NDUFAF7: variants seen among roughly 807,000 people sequenced by gnomAD.
The protein encoded by NDUFAF7 is NADH:ubiquinone oxidoreductase complex assembly factor 7, also known as protein arginine methyltransferase NDUFAF7, mitochondrial.
A neutral mutation model predicts 47.2 loss-of-function variants in NDUFAF7; 48 were observed. The ratio of observed to expected loss-of-function variants is 1.02; its 90% CI spans 0.81 to 1.29. NDUFAF7 has a LOEUF of 1.29. Ranked by LOEUF, NDUFAF7 falls within the 50% of genes most tolerant of loss-of-function variation. The probability of loss-of-function intolerance (pLI) is 0.00; values close to 1 mark genes in which losing one functional copy is unlikely to be tolerated. For missense variants in NDUFAF7, 635 were observed against 537.6 expected (o/e 1.18, Z -1.79); for synonymous variants, 217 against 190.0 (o/e 1.14, Z -1.17).
chr2:37,256,834 A>T (rs749782681), downstream of NDUFAF7: 1 of 1,613,948 alleles, frequency 6.2e-7, no homozygotes, highest in South Asian at 1.1e-5. Flanking sequence ...TGCTCCGGAG[A>T]ACTTCAGGGG....
chr2:37,233,457 G>A lies in NDUFAF7; in HGVS notation c.216+1191G>A, dbSNP rs142424971. Reference sequence around the variant, plus strand: ...AGCCTGACCAACTTGGTGAAACCCCGTCTCTATTAAAAATACAAAAATTAG... The same window carrying A: ...AGCCTGACCAACTTGGTGAAACCCCATCTCTATTAAAAATACAAAAATTAG... On this transcript the variant is annotated intron_variant, in intron 2 of 9. Transcript: ENST00000002125. 2.4e-4 allele frequency among the ~76,000 whole-genome samples: 36 copies of A among 152,124 alleles called. 1 individual carries two copies. Among genetic ancestry groups the A allele is most frequent in the African/African-American group, 8.0e-4 (33 of 41,492 alleles).
chr2:37,249,548 G>A (rs1667280288), downstream of NDUFAF7, among the ~76,000 whole-genome samples: 1 of 134,050 alleles, frequency 7.5e-6, no homozygotes, highest in Non-Finnish European at 1.6e-5. Context: ...TTGCACTCTA[G>A]CCTGTGATAG....
chr2:37,249,703 A>G (rs79133230), downstream of NDUFAF7, among the ~76,000 whole-genome samples: 873 of 145,648 alleles, frequency 6.0e-3, 11 homozygotes, highest in African/African-American at 0.021. Context: ...ATTTTCAGAT[A>G]AATGTCAAAT....
At chr2:37,265,669 A>G in the NDUFAF7 span, among the ~76,000 whole-genome samples, 3 of 152,328 alleles carry the variant, frequency 2.0e-5, no homozygotes, top group South Asian at 6.2e-4. Flanking sequence ...GCCAAATATA[A>G]AAGTATAAAT....
rs1558483032 is a variant in NDUFAF7, at chr2:37,231,668, CAG to C, written c.-37_-36del. On this transcript the variant is annotated 5_prime_UTR_variant, in exon 1 of 10. Transcript: ENST00000002125. ...CTTCTCCCGGAAATGGTCTAAGCCC[CAG>C]CTCCTGGCGGAGCGAGCTAGCCTGC... The C allele has an allele frequency of 6.2e-7, 1 of 1,614,178 alleles. No homozygotes were observed.
chr2:37,252,800 GCTTGA>G (rs1667598504), downstream of NDUFAF7: 1 of 149,254 alleles, frequency 6.7e-6, no homozygotes, highest in Non-Finnish European at 1.5e-5. Flanking sequence ...CTGGATGCTA[GCTTGA>G]CTTGTTTTTC....
intron 6 of NDUFAF7, among the ~76,000 whole-genome samples, 179 bp downstream of exon 6, chr2:37,242,872 T>C (rs1248049314): frequency 6.6e-6 from 1 of 152,216 alleles, no homozygotes; most frequent in Non-Finnish European, 1.5e-5. Flanking sequence ...ATGAGAATTG[T>C]TAGTTCTCCT....
At chr2:37,253,741 G>T (rs910156236), downstream of NDUFAF7, among the ~76,000 whole-genome samples, 3 of 152,116 alleles carry the variant, frequency 2.0e-5, no homozygotes, top group Non-Finnish European at 2.9e-5. Flanking sequence ...GATTACATTT[G>T]TTTTAAAGCT....
At chr2:37,241,075 C>T (rs1404308884) in intron 4 of NDUFAF7, among the ~76,000 whole-genome samples, 1 of 151,990 alleles carries the variant, frequency 6.6e-6, no homozygotes, top group African/African-American at 2.4e-5. Context: ...TTTTCCCTTG[C>T]ATGTTTACAA....
chr2:37,239,934 A>G (rs1381826137), intron 4 of NDUFAF7, among the ~76,000 whole-genome samples: 1 of 152,196 alleles, frequency 6.6e-6, no homozygotes, highest in African/African-American at 2.4e-5. Flanking sequence ...AGATAAGGTC[A>G]TGTCCCATTT....
chr2:37,249,582 C>G (rs1558510554), downstream of NDUFAF7, among the ~76,000 whole-genome samples: 5 of 140,244 alleles, frequency 3.6e-5, no homozygotes, highest in African/African-American at 2.6e-5. Context: ...CACACACACA[C>G]ACACACACAC....
At position 37,232,182 on chromosome 2, in the gene NDUFAF7, G is replaced by A; in HGVS notation, c.132G>A (p.Leu44=). 2.5e-6 allele frequency: 4 copies of A among 1,614,148 alleles called. No individual in the cohort carries two copies. Among genetic ancestry groups the A allele is most frequent in the Non-Finnish European group, 3.4e-6 (4 of 1,180,026 alleles). The change falls in exon 2 of 10, where the codon CTG becomes CTA. Residue 44 remains leucine (L), a synonymous_variant. Coordinates refer to ENST00000002125, the MANE Select transcript of NDUFAF7 (RefSeq NM_144736.5). ...CAGAAAACCCGGTGACGCCGATGCT[G>A]CGGCATCTTATGTACAAAATAAAGT... The part of the protein sequence containing the change: ...EPAENPVTPM[L]RHLMYKIKST...
At chr2:37,251,685 T>G (rs1227702014), downstream of NDUFAF7, 1 of 152,144 alleles carries the variant, frequency 6.6e-6, no homozygotes, top group Non-Finnish European at 1.5e-5. Context: ...TTTAGTTTAT[T>G]TGACTGCATT....
At chr2:37,264,983 A>G in the NDUFAF7 span, among the ~76,000 whole-genome samples, 1 of 151,968 alleles carries the variant, frequency 6.6e-6, no homozygotes, top group Non-Finnish European at 1.5e-5. Context: ...GCCACCGGAA[A>G]GGCCAAAGCT....
the NDUFAF7 span, chr2:37,268,403 G>T: frequency 2.1e-6 from 1 of 467,118 alleles, no homozygotes; most frequent in Non-Finnish European, 4.4e-6. Flanking sequence ...TATTATATAT[G>T]CATGCAGAGT....
chr2:37,249,558 G>GATAGACAC (rs1182053399), downstream of NDUFAF7, among the ~76,000 whole-genome samples: 1 of 128,422 alleles, frequency 7.8e-6, no homozygotes, highest in Admixed American at 7.8e-5. Flanking sequence ...GCCTGTGATA[G>GATAGACAC]ACACACACAC....
At chr2:37,233,447 G>C (rs1166925397) in intron 2 of NDUFAF7, among the ~76,000 whole-genome samples, 1 of 152,074 alleles carries the variant, frequency 6.6e-6, no homozygotes, top group Non-Finnish European at 1.5e-5. Flanking sequence ...GACCAACTTG[G>C]TGAAACCCCG....
the NDUFAF7 span, among the ~76,000 whole-genome samples, chr2:37,263,555 T>G: frequency 1.3e-5 from 2 of 152,190 alleles, no homozygotes; most frequent in East Asian, 1.9e-4. Flanking sequence ...TTTATAAATG[T>G]TTATGGTGTT....
chr2:37,239,964 G>C (rs1377494896), intron 4 of NDUFAF7, among the ~76,000 whole-genome samples: 1 of 152,144 alleles, frequency 6.6e-6, no homozygotes, highest in East Asian at 1.9e-4. Flanking sequence ...ATTCTCTCTT[G>C]TATCATTGTT....
Sources: gnomAD v4.1 joint callset for allele counts (sites outside exome capture counted in the v4.1 genomes callset) on GRCh38, gnomAD v4.1.1 for gene constraint, MANE v1.5 for transcripts, NCBI Gene and HGNC (gene_info 2026-07-23, HGNC 2026-07-21) for gene names.